SAXO5: variants seen among roughly 807,000 people sequenced by gnomAD.
The protein encoded by SAXO5 is testis expressed 45.
At chr19:7,505,659 A>G in the SAXO5 span, 3 of 1,593,810 alleles carry the variant, frequency 1.9e-6, no homozygotes, top group African/African-American at 1.3e-5. Context: ...CGGCAGGGAA[A>G]AGGGCTTCCC....
At chr19:7,505,231 C>G in the SAXO5 span, 1 of 1,236,056 alleles carries the variant, frequency 8.1e-7, no homozygotes, top group Non-Finnish European at 1.2e-6. Flanking sequence ...GATCCACCCA[C>G]CTCAGCCTCC....
At chr19:7,499,271 C>T in the SAXO5 span, among the ~76,000 whole-genome samples, 1 of 149,758 alleles carries the variant, frequency 6.7e-6, no homozygotes, top group Non-Finnish European at 1.5e-5. Context: ...GAGATCGTGC[C>T]ACTGTACTCC....
At chr19:7,500,724 G>GCA in the SAXO5 span, 1 of 1,156,236 alleles carries the variant, frequency 8.6e-7, no homozygotes, top group Middle Eastern at 2.1e-4. Flanking sequence ...GTCAAAGGCA[G>GCA]CAGAAAGGAG....
At chr19:7,505,906 C>A in the SAXO5 span, 3 of 1,502,306 alleles carry the variant, frequency 2.0e-6, no homozygotes, top group Non-Finnish European at 1.8e-6. Context: ...CCTCCCTCCC[C>A]CCCGGGCCCG....
the SAXO5 span, among the ~76,000 whole-genome samples, chr19:7,498,668 T>C: frequency 1.3e-5 from 2 of 152,076 alleles, no homozygotes; most frequent in South Asian, 4.1e-4. Flanking sequence ...GTGCTGGGAT[T>C]ATAGGCCTGA....
the SAXO5 span, chr19:7,505,603 T>G: frequency 1.2e-6 from 2 of 1,613,950 alleles, no homozygotes; most frequent in Non-Finnish European, 1.7e-6. Flanking sequence ...TCTGGACACC[T>G]TCATGCAGTA....
the SAXO5 span, chr19:7,506,255 TGGAGCCCCGCCCCCAC>T: frequency 6.6e-5 from 61 of 931,038 alleles, no homozygotes; most frequent in Middle Eastern, 1.4e-3. Context: ...CCCCTCCCCA[TGGAGCCCCGCCCCCAC>T]GGAGCCCCGT....
At chr19:7,506,193 A>G in the SAXO5 span, 2 of 1,487,640 alleles carry the variant, frequency 1.3e-6, no homozygotes, top group Non-Finnish European at 1.8e-6. Flanking sequence ...GCCCCGCCCC[A>G]TGGAGCCCCG....
chr19:7,506,302 AAGCCTCGCCCTTGCCACTGCTCTG>A, the SAXO5 span: 1 of 752,746 alleles, frequency 1.3e-6, no homozygotes, highest in Non-Finnish European at 2.2e-6. Context: ...CCAGCCCTGG[AAGCCTCGCCCTTGCCACTGCTCTG>A]GCCCCGCCCC....
At chr19:7,505,574 G>T in the SAXO5 span, 2 of 1,614,064 alleles carry the variant, frequency 1.2e-6, no homozygotes, top group African/African-American at 2.7e-5. Flanking sequence ...AAAGGAAATT[G>T]GTGCCCCGGC....
chr19:7,505,579 C>T, the SAXO5 span: 1 of 1,614,180 alleles, frequency 6.2e-7, no homozygotes, highest in Non-Finnish European at 8.5e-7. Context: ...AAATTGGTGC[C>T]CCGGCCCCGG....
At chr19:7,503,240 G>A in the SAXO5 span, among the ~76,000 whole-genome samples, 17 of 152,152 alleles carry the variant, frequency 1.1e-4, no homozygotes, top group Middle Eastern at 6.8e-3. Context: ...GTGCGTTCCT[G>A]TAATCCCAGC....
chr19:7,508,244 G>A, the SAXO5 span: 4 of 1,614,046 alleles, frequency 2.5e-6, no homozygotes, highest in Admixed American at 6.7e-5. Context: ...TGGGTGGACT[G>A]CGCTTCTTCT....
chr19:7,504,395 G>C, the SAXO5 span: 1 of 1,614,064 alleles, frequency 6.2e-7, no homozygotes, highest in African/African-American at 1.3e-5. Flanking sequence ...CAGGCCCCAG[G>C]ATCTGCCTGA....
At chr19:7,500,895 C>T in the SAXO5 span, 1 of 1,578,266 alleles carries the variant, frequency 6.3e-7, no homozygotes, top group Non-Finnish European at 8.5e-7. Context: ...CAAGGCCTCG[C>T]ACTTCTCGCT....
the SAXO5 span, among the ~76,000 whole-genome samples, chr19:7,502,849 TAAC>T: frequency 6.6e-6 from 1 of 152,106 alleles, no homozygotes; most frequent in East Asian, 1.9e-4. Flanking sequence ...AGAGAGCACT[TAAC>T]AAAGAGTAGC....
chr19:7,505,065 C>T, the SAXO5 span, among the ~76,000 whole-genome samples: 1 of 151,116 alleles, frequency 6.6e-6, no homozygotes. Context: ...CTCACTGCAA[C>T]CTCCGCCTCC....
chr19:7,497,910 G>A, the SAXO5 span, among the ~76,000 whole-genome samples: 1 of 152,034 alleles, frequency 6.6e-6, no homozygotes, highest in Non-Finnish European at 1.5e-5. Flanking sequence ...CAGCATTTTG[G>A]GAGGCCGAGG....
the SAXO5 span, chr19:7,506,919 T>A: frequency 1.6e-6 from 1 of 639,088 alleles, no homozygotes; most frequent in African/African-American, 1.8e-5. Context: ...CCCCCTCTCC[T>A]AATCCATTTT....
Sources: gnomAD v4.1 joint callset for allele counts (sites outside exome capture counted in the v4.1 genomes callset) on GRCh38, gnomAD v4.1.1 for gene constraint, MANE v1.5 for transcripts, NCBI Gene and HGNC (gene_info 2026-07-23, HGNC 2026-07-21) for gene names.